The following TRHDE variants were observed in gnomAD, a reference collection of about 807,000 sequenced individuals.
The protein encoded by TRHDE is thyrotropin-releasing hormone-degrading ectoenzyme.
A neutral mutation model predicts 125.7 loss-of-function variants in TRHDE; 72 were observed. That is an observed-to-expected ratio of 0.57 (90% CI 0.47 to 0.70). TRHDE has a LOEUF of 0.70. Among genes scored for constraint, TRHDE ranks in the 30% least tolerant of loss-of-function variants. The pLI is 0.00. For synonymous variants in TRHDE, 509 were observed against 509.1 expected (o/e 1.00, Z 0.00); for missense variants, 1,110 against 1,327.1 (o/e 0.84, Z 2.54).
intron 2 of TRHDE, among the ~76,000 whole-genome samples, chr12:72,209,955 G>T (rs1186289081): frequency 6.6e-6 from 1 of 152,050 alleles, no homozygotes; most frequent in African/African-American, 2.4e-5. Flanking sequence ...AATGTTCCAG[G>T]ATCAAGACGT....
rs568834626 is a variant in TRHDE at position 72,409,539 on chromosome 12, G to A, written c.1315+31418G>A. On this transcript the variant is annotated intron_variant, in intron 3 of 18. Coordinates refer to ENST00000261180, the MANE Select transcript of TRHDE (RefSeq NM_013381.3). ...ACACTCCTGAGCACTGTTGAAACTGGTTTCCCAGATAGAGGATGCCCCTTA... is the reference window on the plus strand; with the variant it reads ...ACACTCCTGAGCACTGTTGAAACTGATTTCCCAGATAGAGGATGCCCCTTA... Among the ~76,000 whole-genome samples, 12 of 152,266 alleles carry A rather than the reference G, an allele frequency of 7.9e-5. No homozygotes were observed. In the Middle Eastern group the frequency reaches 0.01, roughly 130 times the overall value.
intron 7 of TRHDE, among the ~76,000 whole-genome samples, chr12:72,543,100 C>A (rs561083199): frequency 6.6e-6 from 1 of 151,266 alleles, no homozygotes; most frequent in African/African-American, 2.4e-5. Context: ...TTGATGTTCA[C>A]CTGAAACACA....
intron 2 of TRHDE, among the ~76,000 whole-genome samples, chr12:72,266,840 A>G (rs1183694329): frequency 6.6e-6 from 1 of 152,088 alleles, no homozygotes; most frequent in East Asian, 1.9e-4. Flanking sequence ...AAGATATTTA[A>G]TCTTTTTCAG....
At chr12:72,445,058 T>G (rs1421298703) in intron 3 of TRHDE, among the ~76,000 whole-genome samples, 6 of 151,896 alleles carry the variant, frequency 4.0e-5, no homozygotes, top group Non-Finnish European at 8.8e-5. Flanking sequence ...CCAGATAGCT[T>G]CTAAGACGTC....
chr12:72,349,962 A>T (rs1450650059), intron 2 of TRHDE, among the ~76,000 whole-genome samples: 3 of 152,026 alleles, frequency 2.0e-5, no homozygotes, highest in African/African-American at 7.2e-5. Flanking sequence ...ATAAAATAAA[A>T]GAGATACTGG....
intron 2 of TRHDE, among the ~76,000 whole-genome samples, chr12:72,352,910 G>C (rs1432814787): frequency 4.0e-5 from 6 of 150,404 alleles, no homozygotes; most frequent in Admixed American, 4.0e-4. Flanking sequence ...CAAAGTACTT[G>C]TCTCTGAGAA....
chr12:72,089,950 A>C (rs556184798), intron 1 of TRHDE, among the ~76,000 whole-genome samples: 1 of 152,314 alleles, frequency 6.6e-6, no homozygotes, highest in East Asian at 1.9e-4. Flanking sequence ...ATGACTAAAG[A>C]TAATTTTTAT....
chr12:72,422,860 C>T (rs1874017942), intron 3 of TRHDE, among the ~76,000 whole-genome samples: 1 of 152,120 alleles, frequency 6.6e-6, no homozygotes, highest in African/African-American at 2.4e-5. Context: ...GTGGGAGTGG[C>T]TTCTCATCTT....
At chr12:72,394,491 A>G (rs1872717597) in intron 3 of TRHDE, among the ~76,000 whole-genome samples, 2 of 152,080 alleles carry the variant, frequency 1.3e-5, no homozygotes, top group Non-Finnish European at 2.9e-5. Context: ...AGTCTTTTTC[A>G]CATATATATG....
intron 3 of TRHDE, among the ~76,000 whole-genome samples, chr12:72,420,836 A>T (rs1478612836): frequency 6.6e-6 from 1 of 152,192 alleles, no homozygotes; most frequent in Non-Finnish European, 1.5e-5. Context: ...AAAATTCTCA[A>T]ACTTGGTTTA....
chr12:72,283,294 T>C (rs1879762582), intron 1 of TRHDE, among the ~76,000 whole-genome samples: 1 of 152,132 alleles, frequency 6.6e-6, no homozygotes, highest in Non-Finnish European at 1.5e-5. Flanking sequence ...TTGGGGAATA[T>C]TTTACGTCTG....
chr12:72,432,985 C>T (rs972921417), intron 3 of TRHDE, among the ~76,000 whole-genome samples: 1 of 152,068 alleles, frequency 6.6e-6, no homozygotes, highest in Non-Finnish European at 1.5e-5. Flanking sequence ...GAAGAAGTTA[C>T]TACCTGTGTA....
intron 2 of TRHDE, among the ~76,000 whole-genome samples, chr12:72,218,085 A>G (rs190765605): frequency 1.1e-3 from 165 of 152,264 alleles, no homozygotes; most frequent in Middle Eastern, 3.4e-3. Flanking sequence ...ACAGATGTGT[A>G]ATAAAACATT....
intron 3 of TRHDE, among the ~76,000 whole-genome samples, chr12:72,390,179 G>A (rs753166056): frequency 3.3e-5 from 5 of 151,960 alleles, no homozygotes; most frequent in Non-Finnish European, 7.4e-5. Flanking sequence ...TGTCTCTCTT[G>A]GTTATTTGAA....
intron 2 of TRHDE, among the ~76,000 whole-genome samples, chr12:72,121,174 C>T (rs1018733681): frequency 6.6e-5 from 10 of 152,154 alleles, no homozygotes; most frequent in African/African-American, 2.4e-4. Flanking sequence ...TTTGTACCTT[C>T]AGATGATTTC....
chr12:72,290,161 A>G (rs1001434560), intron 2 of TRHDE, among the ~76,000 whole-genome samples: 8 of 152,202 alleles, frequency 5.3e-5, no homozygotes, highest in African/African-American at 1.7e-4. Context: ...AGGATTCAGT[A>G]TGGCCCTGAA....
intron 7 of TRHDE, among the ~76,000 whole-genome samples, chr12:72,561,254 C>A (rs1235032035): frequency 7.4e-6 from 1 of 134,682 alleles, no homozygotes; most frequent in Non-Finnish European, 1.5e-5. Context: ...GAGTAGCCAA[C>A]TCCATAAAAG....
chr12:72,374,940 C>T (rs940589664), intron 2 of TRHDE, among the ~76,000 whole-genome samples: 2 of 152,070 alleles, frequency 1.3e-5, no homozygotes, highest in Non-Finnish European at 2.9e-5. Flanking sequence ...GACATGTTCA[C>T]CTTGGCTATA....
At chr12:72,526,597 A>C (rs539706845) in intron 6 of TRHDE, among the ~76,000 whole-genome samples, 1 of 152,278 alleles carries the variant, frequency 6.6e-6, no homozygotes, top group Admixed American at 6.5e-5. Context: ...CCCTGCAAAC[A>C]AATTTTCTCT....
Sources: allele counts gnomAD v4.1 joint callset (sites outside exome capture counted in the v4.1 genomes callset), GRCh38; gene constraint gnomAD v4.1.1; transcripts MANE v1.5; gene names NCBI Gene and HGNC (gene_info 2026-07-23, HGNC 2026-07-21).